PDZRN4: variants seen among roughly 807,000 people sequenced by gnomAD.
The protein encoded by PDZRN4 is PDZ domain-containing RING finger protein 4.
In PDZRN4, 70 loss-of-function variants were observed where a neutral mutation model predicts 99.0. The ratio of observed to expected loss-of-function variants is 0.71; its 90% CI spans 0.58 to 0.86. PDZRN4 has a LOEUF of 0.86. Ranked by LOEUF, PDZRN4 falls within the 40% of genes least tolerant of loss-of-function variation. PDZRN4 has a pLI of 0.00. For synonymous variants in PDZRN4, 551 were observed against 501.6 expected, an observed-to-expected ratio of 1.10 and a Z score of -1.32; for missense variants, 1,474 against 1,331.2, an observed-to-expected ratio of 1.11 and a Z score of -1.67.
intron 2 of PDZRN4, among the ~76,000 whole-genome samples, chr12:41,192,161 A>G (rs1440997877): frequency 2.0e-5 from 3 of 152,188 alleles, no homozygotes; most frequent in African/African-American, 4.8e-5. Flanking sequence ...GCTGGAGTGC[A>G]GTAGCGTGAT....
At chr12:41,201,159 TG>T (rs1950813501) in intron 3 of PDZRN4, among the ~76,000 whole-genome samples, 1 of 59,648 alleles carries the variant, frequency 1.7e-5, no homozygotes, top group African/African-American at 5.1e-5. Context: ...TTACTTTCTT[TG>T]TGCAATTAAA....
intron 3 of PDZRN4, among the ~76,000 whole-genome samples, chr12:41,408,809 C>T (rs1322507125): frequency 6.6e-6 from 1 of 151,886 alleles, no homozygotes. Flanking sequence ...GTCTCTGTCT[C>T]TCTTGCGCTC....
intron 1 of PDZRN4, among the ~76,000 whole-genome samples, chr12:41,191,202 CA>C (rs1218797580): frequency 6.6e-6 from 1 of 152,162 alleles, no homozygotes; most frequent in Non-Finnish European, 1.5e-5. Context: ...CTTCCTGTCT[CA>C]AAATGCAAAG....
At chr12:41,351,566 C>T (rs1368995989) in intron 3 of PDZRN4, among the ~76,000 whole-genome samples, 1 of 152,020 alleles carries the variant, frequency 6.6e-6, no homozygotes, top group African/African-American at 2.4e-5. Context: ...CACATCTTCA[C>T]ATGGCCAGAA....
intron 3 of PDZRN4, among the ~76,000 whole-genome samples, chr12:41,451,325 T>C (rs1332781236): frequency 2.0e-5 from 3 of 152,208 alleles, no homozygotes; most frequent in African/African-American, 7.2e-5. Context: ...AATTTATTTG[T>C]ATGATGTGGA....
intron 5 of PDZRN4, among the ~76,000 whole-genome samples, chr12:41,528,021 AAG>A (rs1172687554): frequency 6.6e-6 from 1 of 152,206 alleles, no homozygotes; most frequent in African/African-American, 2.4e-5. Context: ...ATAGCTTTAA[AAG>A]AGACGGCATG....
At chr12:41,349,042 A>G (rs1377997903) in intron 3 of PDZRN4, among the ~76,000 whole-genome samples, 1 of 151,990 alleles carries the variant, frequency 6.6e-6, no homozygotes, top group African/African-American at 2.4e-5. Flanking sequence ...TATTTATGTT[A>G]GCCTGTTAAA....
At chr12:41,390,163 T>C (rs1202434640) in intron 3 of PDZRN4, among the ~76,000 whole-genome samples, 1 of 152,162 alleles carries the variant, frequency 6.6e-6, no homozygotes, top group African/African-American at 2.4e-5. Context: ...AATTGTGTAC[T>C]CTTAACACTG....
intron 3 of PDZRN4, among the ~76,000 whole-genome samples, chr12:41,207,388 T>A (rs1003726668): frequency 2.6e-5 from 4 of 151,812 alleles, no homozygotes; most frequent in African/African-American, 7.2e-5. Flanking sequence ...AATAAACAAT[T>A]GAAAAATAAT....
chr12:41,210,142 C>A (rs921984532), intron 3 of PDZRN4, among the ~76,000 whole-genome samples: 3 of 151,860 alleles, frequency 2.0e-5, no homozygotes, highest in African/African-American at 7.3e-5. Context: ...GCATAAATGT[C>A]TTCTTTTGAG....
intron 3 of PDZRN4, among the ~76,000 whole-genome samples, chr12:41,436,454 G>A (rs919232796): frequency 2.6e-5 from 4 of 152,102 alleles, no homozygotes; most frequent in Admixed American, 6.6e-5. Flanking sequence ...ACCCCAAAAC[G>A]TAGCTATTCG....
intron 3 of PDZRN4, among the ~76,000 whole-genome samples, chr12:41,417,306 C>T (rs1442334484): frequency 6.6e-6 from 1 of 152,172 alleles, no homozygotes; most frequent in Non-Finnish European, 1.5e-5. Context: ...TAGGCAATGC[C>T]ATCTTTGGCC....
At chr12:41,281,458 T>A (rs1951385124) in intron 3 of PDZRN4, among the ~76,000 whole-genome samples, 1 of 152,172 alleles carries the variant, frequency 6.6e-6, no homozygotes, top group Admixed American at 6.5e-5. Context: ...GCAAGGAAGC[T>A]AAGAACCTTG....
At chr12:41,401,472 A>C (rs1358129246) in intron 3 of PDZRN4, among the ~76,000 whole-genome samples, 1 of 152,162 alleles carries the variant, frequency 6.6e-6, no homozygotes, top group East Asian at 1.9e-4. Flanking sequence ...TGCTCTCTTC[A>C]CTTGCATTTA....
chr12:41,368,676 G>A (rs530460317), intron 3 of PDZRN4, among the ~76,000 whole-genome samples: 1 of 152,170 alleles, frequency 6.6e-6, no homozygotes, highest in Non-Finnish European at 1.5e-5. Context: ...CTTGCCTGCA[G>A]ATTTCAGTTG....
intron 3 of PDZRN4, among the ~76,000 whole-genome samples, chr12:41,242,664 G>A (rs190543034): frequency 1.7e-4 from 26 of 151,996 alleles, no homozygotes; most frequent in African/African-American, 5.6e-4. Flanking sequence ...AAGTTGATTG[G>A]GATTTCAGAC....
chr12:41,262,378 G>A (rs550291918), intron 3 of PDZRN4, among the ~76,000 whole-genome samples: 1 of 152,192 alleles, frequency 6.6e-6, no homozygotes, highest in Non-Finnish European at 1.5e-5. Context: ...AGCTTCTGTT[G>A]AGTGTCTTCA....
chr12:41,434,514 A>G (rs1240938113), intron 3 of PDZRN4, among the ~76,000 whole-genome samples: 2 of 152,156 alleles, frequency 1.3e-5, no homozygotes, highest in African/African-American at 4.8e-5. Flanking sequence ...CTATAAAGAG[A>G]AACTCCCTCT....
At chr12:41,491,203 C>A (rs377762899) in intron 3 of PDZRN4, among the ~76,000 whole-genome samples, 1 of 152,212 alleles carries the variant, frequency 6.6e-6, no homozygotes, top group African/African-American at 2.4e-5. Context: ...GTGAACAATT[C>A]TGTGAAAATT....
Sources: gnomAD v4.1 joint callset for allele counts (sites outside exome capture counted in the v4.1 genomes callset) on GRCh38, gnomAD v4.1.1 for gene constraint, MANE v1.5 for transcripts, NCBI Gene and HGNC (gene_info 2026-07-23, HGNC 2026-07-21) for gene names.